TJP1: variants seen among roughly 807,000 people sequenced by gnomAD.
The protein encoded by TJP1 is tight junction protein 1, also known as tight junction protein ZO-1.
A neutral mutation model predicts 194.2 loss-of-function variants in TJP1; 43 were observed. That is an observed-to-expected ratio of 0.22 (90% CI 0.17 to 0.29). The LOEUF is 0.29. TJP1 is among the 10% of genes least tolerant of loss of function. The probability of loss-of-function intolerance (pLI) is 1.00; values close to 1 mark genes in which losing one functional copy is unlikely to be tolerated. For synonymous variants in TJP1, 801 were observed against 779.0 expected (o/e 1.03, Z -0.47); for missense variants, 1,971 against 2,185.7 (o/e 0.90, Z 1.96).
rs60184322 is a variant in TJP1, at chr15:29,869,205, C to T, written c.307-68503G>A. 7.5e-3 allele frequency among the ~76,000 whole-genome samples: 1,136 copies of T among 152,208 alleles called. 24 individuals are homozygous for T. The highest frequency in any genetic ancestry group is 0.026 in the African/African-American group (1,089 of 41,526). On this transcript the variant is annotated intron_variant, in intron 2 of 28. Transcript: ENST00000356107. ...CATAAGAGAAAGCGAGGGTGAACAG[C>T]GAATGTGTGAGTAATCTCAAAGGGG...
In TJP1 at chr15:29,728,030, T is replaced by C. The variant is rs767929677; in HGVS notation, c.2018-11A>G. On this transcript the variant is annotated splice_polypyrimidine_tract_variant and intron_variant, in intron 15 of 27. Transcript: ENST00000614355. Reference sequence around the variant, plus strand: ...CTCGTGGTTCACTCTCTATTCATTATGTCAGGACAAAAATAAGACATCAAA... The same window carrying C: ...CTCGTGGTTCACTCTCTATTCATTACGTCAGGACAAAAATAAGACATCAAA... 5.0e-6 allele frequency: 8 copies of C among 1,612,848 alleles called. No homozygotes were observed. The highest frequency in any genetic ancestry group is 6.8e-6 in the Non-Finnish European group (8 of 1,178,954).
intron 15 of TJP1, among the ~76,000 whole-genome samples, chr15:29,730,346 C>T (rs1390376859): frequency 6.6e-6 from 1 of 152,108 alleles, no homozygotes; most frequent in East Asian, 1.9e-4. Flanking sequence ...CTTTGGGAGG[C>T]CAAGGCCAGA....
chr15:29,816,371 T>TG (rs1029262175), intron 1 of TJP1, among the ~76,000 whole-genome samples: 24 of 152,088 alleles, frequency 1.6e-4, no homozygotes, highest in Non-Finnish European at 2.9e-4. Flanking sequence ...ATATATAACC[T>TG]GGGGGGGAAG....
chr15:29,718,413 T>G lies in TJP1; in HGVS notation c.3729A>C (p.Pro1243=). 6.2e-7 allele frequency: 1 copy of G among 1,614,016 alleles called. No individual in the cohort carries two copies. The highest frequency in any genetic ancestry group is 1.1e-5 in the South Asian group (1 of 91,076). ...CGGTTTGAGTTGGGGGTGGAGGCAGTGGTTTGGTGTTTGAAGGCAGAGCTT... is the reference window on the plus strand; with the variant it reads ...CGGTTTGAGTTGGGGGTGGAGGCAGGGGTTTGGTGTTTGAAGGCAGAGCTT... ...KPEALPSNTK[P]LPPPPTQTEE... Residue 1243 remains proline, a synonymous_variant, in exon 21 of 28, where the codon CCA becomes CCC. Transcript: ENST00000614355.
chr15:29,701,744 A>G, intron 27 of TJP1, 55 bp from the exon 28 acceptor site: 6 of 1,318,166 alleles, frequency 4.6e-6, no homozygotes, highest in Middle Eastern at 1.8e-4. Flanking sequence ...GCTATCCGTA[A>G]TGCTTTGCAA....
chr15:29,776,117 T>C (rs565765327), intron 2 of TJP1, among the ~76,000 whole-genome samples: 1 of 152,260 alleles, frequency 6.6e-6, no homozygotes, highest in South Asian at 2.1e-4. Context: ...CAGCTCAACA[T>C]AATTTATTTG....
At chr15:29,938,745 CT>C (rs1396844614) in intron 2 of TJP1, among the ~76,000 whole-genome samples, 1 of 152,242 alleles carries the variant, frequency 6.6e-6, no homozygotes, top group Non-Finnish European at 1.5e-5. Flanking sequence ...GATTATCCCA[CT>C]TTCATCTCCA....
intron 1 of TJP1, among the ~76,000 whole-genome samples, chr15:29,965,213 T>G (rs1205879518): frequency 1.3e-5 from 2 of 151,590 alleles, no homozygotes; most frequent in African/African-American, 4.9e-5. Flanking sequence ...ATTTATTTAT[T>G]TATTTATTTA....
At chr15:29,731,182 G>A (rs1464984333) in intron 15 of TJP1, among the ~76,000 whole-genome samples, 2 of 151,832 alleles carry the variant, frequency 1.3e-5, no homozygotes, top group Non-Finnish European at 2.9e-5. Context: ...CTCCAAAACT[G>A]GATTGATGTG....
At chr15:29,755,602 T>C (rs2045593695) in intron 8 of TJP1, among the ~76,000 whole-genome samples, 1 of 152,230 alleles carries the variant, frequency 6.6e-6, no homozygotes, top group East Asian at 1.9e-4. Flanking sequence ...AGAGATTAAA[T>C]AACTGTTACA....
At chr15:29,773,414 C>T in intron 2 of TJP1, 57 bp from the exon 3 acceptor site, 3 of 1,557,198 alleles carry the variant, frequency 1.9e-6, no homozygotes, top group African/African-American at 1.4e-5. Context: ...ATTGTTATAT[C>T]ATACTCTACA....
Position 29,719,127 on chromosome 15 carries a change from C to T in TJP1, c.3015G>A (p.Lys1005=). ...SHVDPTKVYR[K]DPYPEEMMRQ... ...TCATCATTTCCTCGGGATATGGATC[C>T]TTTCTATACACCTGTATAAAAAATT... Residue 1005 remains lysine, a synonymous_variant, in exon 21 of 28, where the codon AAG becomes AAA. Coordinates refer to ENST00000614355, the MANE Select transcript of TJP1 (RefSeq NM_001330239.4). 1 of 1,609,306 alleles carries T rather than the reference C, an allele frequency of 6.2e-7. No individual in the cohort carries two copies. The highest frequency in any genetic ancestry group is 1.3e-5 in the African/African-American group (1 of 74,656).
intron 4 of TJP1, among the ~76,000 whole-genome samples, chr15:29,770,690 AAG>A (rs200865056): frequency 7.4e-6 from 1 of 135,248 alleles, no homozygotes; most frequent in Admixed American, 7.5e-5. Context: ...AAAAAAAAAA[AAG>A]AAAAAAACCA....
chr15:29,719,267 G>T (rs2151123846), intron 20 of TJP1, 129 bp from the exon 21 acceptor site: 4 of 1,138,748 alleles, frequency 3.5e-6, no homozygotes, highest in Non-Finnish European at 4.8e-6. Context: ...TTATTATCAG[G>T]ATAGACAAGA....
Position 29,716,700 on chromosome 15 carries a change from A to C in TJP1, c.4113T>G (p.Pro1371=). ...GATGGCTGGCGGCAATGTGTGCAGG[A>C]GGCTTATTCTCAAAACTTCTTCGGT... ...YFDRRSFENK[P]PAHIAASHLS... Residue 1371 remains proline (P), a synonymous_variant, in exon 23 of 28, where the codon CCT becomes CCG. Transcript: ENST00000614355. The C allele has an allele frequency of 3.1e-6, 5 of 1,614,128 alleles. No homozygotes were observed. Among genetic ancestry groups the C allele is most frequent in the Non-Finnish European group, 4.2e-6 (5 of 1,180,028 alleles).
intron 2 of TJP1, among the ~76,000 whole-genome samples, chr15:29,883,038 G>A (rs1053943014): frequency 3.3e-5 from 5 of 151,982 alleles, no homozygotes; most frequent in African/African-American, 4.8e-5. Flanking sequence ...AATTAACAGG[G>A]AAAAAAATGC....
chr15:29,751,274 G>A (rs1187958024), intron 8 of TJP1, among the ~76,000 whole-genome samples: 1 of 152,196 alleles, frequency 6.6e-6, no homozygotes, highest in African/African-American at 2.4e-5. Flanking sequence ...TTGTCATTTT[G>A]TAAGCTAATT....
intron 2 of TJP1, among the ~76,000 whole-genome samples, chr15:29,864,744 T>C (rs1408997028): frequency 6.6e-6 from 1 of 152,170 alleles, no homozygotes; most frequent in Non-Finnish European, 1.5e-5. Context: ...GTCTTATCAC[T>C]ATCTCCACCT....
At chr15:29,763,767 CAAA>C (rs10680239) in intron 5 of TJP1, among the ~76,000 whole-genome samples, 2 of 122,196 alleles carry the variant, frequency 1.6e-5, no homozygotes, top group Admixed American at 8.5e-5. Flanking sequence ...GACTCCGTCT[CAAA>C]AAAAAAAAAA....
Sources: allele counts gnomAD v4.1 joint callset (sites outside exome capture counted in the v4.1 genomes callset), GRCh38; gene constraint gnomAD v4.1.1; transcripts MANE v1.5; gene names NCBI Gene and HGNC (gene_info 2026-07-23, HGNC 2026-07-21).